The following ULBP1 variants were observed in gnomAD, a reference collection of about 807,000 sequenced individuals.
The protein encoded by ULBP1 is UL16 binding protein 1, also known as UL16-binding protein 1.
A neutral mutation model predicts 25.3 loss-of-function variants in ULBP1; 28 were observed. The ratio of observed to expected loss-of-function variants is 1.10; its 90% CI spans 0.82 to 1.51. The LOEUF (loss-of-function observed/expected upper bound fraction) is 1.51, where lower values mean the gene tolerates loss of function less well. Ranked by LOEUF, ULBP1 falls within the 40% of genes most tolerant of loss-of-function variation. The probability of loss-of-function intolerance (pLI) is 0.00; values close to 1 mark genes in which losing one functional copy is unlikely to be tolerated. For synonymous variants in ULBP1, 129 were observed against 103.0 expected, an observed-to-expected ratio of 1.25 and a Z score of -1.53; for missense variants, 348 against 290.9, an observed-to-expected ratio of 1.20 and a Z score of -1.43.
chr6:149,964,309 T>G (rs991256381), intron 1 of ULBP1, among the ~76,000 whole-genome samples, 175 bp downstream of exon 1: 5 of 150,868 alleles, frequency 3.3e-5, no homozygotes, highest in Non-Finnish European at 7.4e-5. Context: ...TCCCCGAACA[T>G]CGCGGTGCCC....
chr6:149,973,040 A>G lies in ULBP1; in HGVS notation c.*1694A>G, dbSNP rs1394569917. 6.6e-6 allele frequency: 1 copy of G among 152,254 alleles called. No individual in the cohort carries two copies. Among genetic ancestry groups the G allele is most frequent in the Non-Finnish European group, 1.5e-5 (1 of 68,050 alleles). The allele number at this position is 152,254 out of a possible 1,614,324, so 9.4% of individuals were successfully genotyped here. A position where few individuals can be genotyped will look rare whatever the true frequency, so the allele number is the denominator to read the frequency against. On this transcript the variant is annotated 3_prime_UTR_variant, in exon 5 of 5. Coordinates refer to ENST00000229708, the MANE Select transcript of ULBP1 (RefSeq NM_025218.4). Reference sequence around the variant, plus strand: ...ACACCTGCACCAATATGTTCATTACAGTGCTATTCTCACCAGCAAGGACAG... The same window carrying G: ...ACACCTGCACCAATATGTTCATTACGGTGCTATTCTCACCAGCAAGGACAG...
Position 149,972,874 on chromosome 6 carries a change from G to A in ULBP1, c.*1528G>A, listed in dbSNP as rs1177090423. The A allele has an allele frequency of 6.6e-6, 1 of 152,184 alleles. No homozygotes were observed. The highest frequency in any genetic ancestry group is 1.5e-5 in the Non-Finnish European group (1 of 68,036). 9.4% of individuals were successfully genotyped at this position (152,184 alleles called of 1,614,324 possible). A position where few individuals can be genotyped will look rare whatever the true frequency, so the allele number is the denominator to read the frequency against. ...CAGAGCAAAAGAAACAGACACTGTT[G>A]GTGGGAAAGCAAACTTGTTCAGCCA... On this transcript the variant is annotated 3_prime_UTR_variant, in exon 5 of 5. Coordinates refer to ENST00000229708, the MANE Select transcript of ULBP1 (RefSeq NM_025218.4).
intron 2 of ULBP1, 65 bp from the exon 3 acceptor site, chr6:149,969,020 G>C: frequency 6.3e-7 from 1 of 1,580,256 alleles, no homozygotes; most frequent in Non-Finnish European, 8.6e-7. Context: ...CAGGAGCCAG[G>C]AAAGGAAGCA....
chr6:149,970,452 G>A (rs1779294465), intron 4 of ULBP1, among the ~76,000 whole-genome samples: 1 of 152,212 alleles, frequency 6.6e-6, no homozygotes, highest in Non-Finnish European at 1.5e-5. Flanking sequence ...GGGATGGTGT[G>A]TGGCCTGCAG....
chr6:149,970,855 A>T (rs1481121943), intron 4 of ULBP1, among the ~76,000 whole-genome samples: 2 of 152,184 alleles, frequency 1.3e-5, no homozygotes, highest in African/African-American at 4.8e-5. Context: ...CAGGCAGGGG[A>T]GCTGAGCTGC....
Position 149,968,755 on chromosome 6 carries a change from G to T in ULBP1, c.234G>T (p.Gly78=), listed in dbSNP as rs1779251182. 6.2e-7 allele frequency: 1 copy of T among 1,614,134 alleles called. No individual in the cohort carries two copies. Among genetic ancestry groups the T allele is most frequent in the Admixed American group, 1.7e-5 (1 of 60,010 alleles). ...AGGCCAAAGCCTTTGCTTCTCTGGG[G>T]AAGAAAGTCAATGTCACAAAAACCT... ...NHKAKAFASL[G]KKVNVTKTWE... Residue 78 remains glycine (G), a synonymous_variant, in exon 2 of 5, where the codon GGG becomes GGT. Coordinates refer to ENST00000229708, the MANE Select transcript of ULBP1 (RefSeq NM_025218.4).
At chr6:149,967,144 T>C (rs1779218045) in intron 1 of ULBP1, among the ~76,000 whole-genome samples, 4 of 152,240 alleles carry the variant, frequency 2.6e-5, no homozygotes, top group Admixed American at 2.6e-4. Flanking sequence ...TACCATCGAA[T>C]GGGTCTATGA....
chr6:149,966,999 T>C (rs545534136), intron 1 of ULBP1, among the ~76,000 whole-genome samples: 2 of 152,320 alleles, frequency 1.3e-5, no homozygotes, highest in Admixed American at 1.3e-4. Flanking sequence ...ACAGGGTGTG[T>C]ATGGCTGCAT....
Position 149,963,967 on chromosome 6 carries a change from G to A in ULBP1, c.-83G>A, listed in dbSNP as rs1562492279. ...TGTATCCCTGCGCGCGGCGGGCCGG[G>A]CTGGGCAGCTTTATAAACAGCCGTG... On this transcript the variant is annotated 5_prime_UTR_variant, in exon 1 of 5. Transcript: ENST00000229708. The A allele has an allele frequency of 1.1e-5, 16 of 1,438,736 alleles. No homozygotes were observed. Among genetic ancestry groups the A allele is most frequent in the East Asian group, 4.6e-5 (2 of 43,100 alleles). The allele number at this position is 1,438,736 out of a possible 1,614,324, so 89.1% of individuals were successfully genotyped here. A position where few individuals can be genotyped will look rare whatever the true frequency, so the allele number is the denominator to read the frequency against.
intron 1 of ULBP1, among the ~76,000 whole-genome samples, chr6:149,965,785 C>T (rs891242394): frequency 1.4e-4 from 22 of 152,216 alleles, no homozygotes; most frequent in African/African-American, 5.3e-4. Context: ...CATTCACTTT[C>T]ACCACCCAGG....
At chr6:149,965,002 G>T (rs1255083336) in intron 1 of ULBP1, among the ~76,000 whole-genome samples, 5 of 145,366 alleles carry the variant, frequency 3.4e-5, no homozygotes, top group Admixed American at 1.4e-4. Flanking sequence ...TCCCCTCCGC[G>T]GCTCCTTTCC....
intron 1 of ULBP1, 28 bp from the exon 2 acceptor site, chr6:149,968,579 A>G (rs765632814): frequency 6.8e-5 from 108 of 1,588,966 alleles, no homozygotes; most frequent in Non-Finnish European, 9.1e-5. Flanking sequence ...CCCCCACACC[A>G]ACCCCCTCCT....
chr6:149,964,867 G>T (rs1473083221), intron 1 of ULBP1, among the ~76,000 whole-genome samples: 1 of 114,902 alleles, frequency 8.7e-6, no homozygotes, highest in African/African-American at 3.4e-5. Flanking sequence ...GAACATCGCG[G>T]TCCCCCCGAA....
At position 149,972,279 on chromosome 6, in the gene ULBP1, A is replaced by G. The variant is rs981229626; in HGVS notation, c.*933A>G. 4.6e-5 allele frequency: 7 copies of G among 152,326 alleles called. No individual in the cohort carries two copies. Among genetic ancestry groups the G allele is most frequent in the African/African-American group, 1.7e-4 (7 of 41,584 alleles). The allele number at this position is 152,326 out of a possible 1,614,324, so 9.4% of individuals were successfully genotyped here. A position where few individuals can be genotyped will look rare whatever the true frequency, so the allele number is the denominator to read the frequency against. On this transcript the variant is annotated 3_prime_UTR_variant, in exon 5 of 5. Transcript: ENST00000229708. Reference sequence around the variant, plus strand: ...GGGAAAGACTCCCTATTCGAAAATTAGTGCTGGAATATCTGGCCAACCATA... The same window carrying G: ...GGGAAAGACTCCCTATTCGAAAATTGGTGCTGGAATATCTGGCCAACCATA...
At chr6:149,965,445 C>T (rs1277282138) in intron 1 of ULBP1, among the ~76,000 whole-genome samples, 1 of 152,224 alleles carries the variant, frequency 6.6e-6, no homozygotes, top group Non-Finnish European at 1.5e-5. Context: ...AAAGGAATTG[C>T]AGGAGGGTGG....
intron 1 of ULBP1, among the ~76,000 whole-genome samples, chr6:149,967,681 G>C (rs1205812487): frequency 1.3e-5 from 2 of 152,160 alleles, no homozygotes; most frequent in Non-Finnish European, 2.9e-5. Flanking sequence ...CTGGCATTGT[G>C]ACTTCTTTAA....
At chr6:149,968,542 G>A in intron 1 of ULBP1, 65 bp from the exon 2 acceptor site, 2 of 1,549,260 alleles carry the variant, frequency 1.3e-6, no homozygotes, top group Non-Finnish European at 1.7e-6. Context: ...CACCATAAGT[G>A]GGAGGAGGGG....
chr6:149,967,313 C>T (rs1428807957), intron 1 of ULBP1, among the ~76,000 whole-genome samples: 1 of 152,220 alleles, frequency 6.6e-6, no homozygotes, highest in Non-Finnish European at 1.5e-5. Context: ...TGGGTATTTG[C>T]CATTTCATGG....
At chr6:149,966,981 C>T (rs900843511) in intron 1 of ULBP1, among the ~76,000 whole-genome samples, 8 of 152,170 alleles carry the variant, frequency 5.3e-5, no homozygotes, top group Non-Finnish European at 1.0e-4. Context: ...CCAGCGTCAC[C>T]CCTCATCACA....
Sources: allele counts gnomAD v4.1 joint callset (sites outside exome capture counted in the v4.1 genomes callset), GRCh38; gene constraint gnomAD v4.1.1; transcripts MANE v1.5; gene names NCBI Gene and HGNC (gene_info 2026-07-23, HGNC 2026-07-21).